The following CSMD1 variants were observed in gnomAD, a reference collection of about 807,000 sequenced individuals.
CSMD1 encodes the protein CUB and Sushi multiple domains 1, also known as CUB and sushi domain-containing protein 1.
CSMD1 carries 213 observed loss-of-function variants against 417.5 expected under a neutral mutation model. The ratio of observed to expected loss-of-function variants is 0.51; its 90% CI spans 0.46 to 0.57. The LOEUF (loss-of-function observed/expected upper bound fraction) is 0.57, where lower values mean the gene tolerates loss of function less well. CSMD1 is among the 20% of genes least tolerant of loss of function. CSMD1 has a pLI of 0.00. For synonymous variants in CSMD1, 2,862 were observed against 1,736.8 expected, an observed-to-expected ratio of 1.65 and a Z score of -16.11; for missense variants, 6,923 against 4,529.7, an observed-to-expected ratio of 1.53 and a Z score of -15.17.
At chr8:3,937,496 G>A (rs772162639) in intron 5 of CSMD1, among the ~76,000 whole-genome samples, 6 of 152,116 alleles carry the variant, frequency 3.9e-5, no homozygotes, top group Non-Finnish European at 8.8e-5. Context: ...AAAAGATGAT[G>A]AGTCATTGAA....
At chr8:3,645,067 CCTT>C (rs1356731677) in intron 7 of CSMD1, among the ~76,000 whole-genome samples, 1 of 151,716 alleles carries the variant, frequency 6.6e-6, no homozygotes, top group East Asian at 1.9e-4. Context: ...GATCCAGCAG[CCTT>C]CTTACCATCT....
intron 4 of CSMD1, among the ~76,000 whole-genome samples, chr8:4,009,850 G>A (rs1004972662): frequency 6.6e-6 from 1 of 151,924 alleles, no homozygotes; most frequent in Non-Finnish European, 1.5e-5. Flanking sequence ...CTTCATGCCT[G>A]AGGCCATTAA....
rs116418830 is a variant in CSMD1, at chr8:4,750,965, C to A, written c.86-113407G>T. Among the ~76,000 whole-genome samples the A allele has an allele frequency of 5.2e-3, 797 of 152,284 alleles. 7 individuals carry two copies. The highest frequency in any genetic ancestry group is 0.018 in the African/African-American group (766 of 41,558). ...GTGCTTACAGCCATGTCTGTATTGACACTTTAAGGGAAGGCTTTAACCTGG... is the reference window on the plus strand; with the variant it reads ...GTGCTTACAGCCATGTCTGTATTGAAACTTTAAGGGAAGGCTTTAACCTGG... On this transcript the variant is annotated intron_variant, in intron 1 of 69. Transcript: ENST00000635120.
chr8:3,271,007 C>T (rs569889910), intron 26 of CSMD1, among the ~76,000 whole-genome samples: 194 of 151,742 alleles, frequency 1.3e-3, no homozygotes, highest in Admixed American at 2.0e-3. Context: ...ATACATGTGC[C>T]ATGCTGGTGC....
intron 63 of CSMD1, among the ~76,000 whole-genome samples, chr8:2,957,251 C>T (rs773824008): frequency 6.6e-6 from 1 of 152,108 alleles, no homozygotes; most frequent in Non-Finnish European, 1.5e-5. Flanking sequence ...TGACATATGA[C>T]GTTATTCAGT....
intron 6 of CSMD1, among the ~76,000 whole-genome samples, chr8:3,711,433 G>A (rs1226848321): frequency 6.6e-6 from 1 of 152,100 alleles, no homozygotes; most frequent in South Asian, 2.1e-4. Flanking sequence ...CCTATCCCAG[G>A]CTCACAACGT....
intron 1 of CSMD1, among the ~76,000 whole-genome samples, chr8:4,819,783 T>G (rs986912873): frequency 1.3e-5 from 2 of 151,756 alleles, no homozygotes; most frequent in Admixed American, 6.6e-5. Flanking sequence ...GAAACAGGAG[T>G]CAATGCTAAG....
At chr8:4,319,347 C>G (rs575506436) in intron 3 of CSMD1, among the ~76,000 whole-genome samples, 1 of 152,092 alleles carries the variant, frequency 6.6e-6, no homozygotes, top group Non-Finnish European at 1.5e-5. Flanking sequence ...TGATTTTCCT[C>G]CTTTCCTTTT....
rs1045151860 is a variant in CSMD1 at position 3,082,948 on chromosome 8, A to G, written c.7474+4149T>C. Among the ~76,000 whole-genome samples, 3 of 152,148 alleles carry G rather than the reference A, an allele frequency of 2.0e-5. No homozygotes were observed. In the East Asian group the frequency reaches 5.8e-4, roughly 29 times the overall value. ...CATCTGCGGGAAAAATAAAATCATG[A>G]AAACTTCTGTGCTGATTTGGGTGGC... On this transcript the variant is annotated intron_variant, in intron 49 of 69. Coordinates refer to ENST00000635120, the MANE Select transcript of CSMD1 (RefSeq NM_033225.6).
At chr8:3,033,522 T>A (rs1205242195) in intron 50 of CSMD1, among the ~76,000 whole-genome samples, 1 of 151,918 alleles carries the variant, frequency 6.6e-6, no homozygotes, top group Non-Finnish European at 1.5e-5. Flanking sequence ...CACCGCGTGT[T>A]CTCATTTATA....
At chr8:4,469,008 G>C (rs1314433642) in intron 2 of CSMD1, among the ~76,000 whole-genome samples, 1 of 151,972 alleles carries the variant, frequency 6.6e-6, no homozygotes, top group Admixed American at 6.6e-5. Flanking sequence ...ACTCTAAAAG[G>C]AAAAAAAGTT....
intron 16 of CSMD1, among the ~76,000 whole-genome samples, chr8:3,397,371 G>A (rs999837852): frequency 6.6e-6 from 1 of 152,174 alleles, no homozygotes; most frequent in Non-Finnish European, 1.5e-5. Flanking sequence ...AACAGAAAAC[G>A]ATGTTGAAAC....
At chr8:4,637,889 C>A in intron 1 of CSMD1, among the ~76,000 whole-genome samples, 1 of 151,796 alleles carries the variant, frequency 6.6e-6, no homozygotes, top group East Asian at 2.0e-4. Context: ...CCAGGATGGT[C>A]TCGATCTCCT....
chr8:4,047,009 G>C (rs1395412479), intron 3 of CSMD1, among the ~76,000 whole-genome samples: 3 of 152,138 alleles, frequency 2.0e-5, no homozygotes, highest in Admixed American at 1.3e-4. Flanking sequence ...GCATGACTTA[G>C]CCCTATAGGG....
intron 27 of CSMD1, among the ~76,000 whole-genome samples, chr8:3,226,467 T>C (rs28378567): frequency 0.22 from 32,615 of 150,822 alleles, 3,641 homozygotes; most frequent in Admixed American, 0.26. Flanking sequence ...CCTATAATCC[T>C]AGCTACTCAG....
intron 5 of CSMD1, among the ~76,000 whole-genome samples, chr8:3,865,233 C>T (rs1359233008): frequency 6.6e-6 from 1 of 152,206 alleles, no homozygotes; most frequent in Admixed American, 6.5e-5. Context: ...CATCTCTGTC[C>T]TCAACTACCA....
At chr8:2,957,949 G>A in intron 62 of CSMD1, 142 bp from the exon 63 acceptor site, 2 of 624,214 alleles carry the variant, frequency 3.2e-6, no homozygotes, top group Non-Finnish European at 5.8e-6. Flanking sequence ...AAGTCAACAT[G>A]TACATTTTAA....
intron 3 of CSMD1, among the ~76,000 whole-genome samples, chr8:4,194,757 T>A (rs73658467): frequency 6.6e-6 from 1 of 152,264 alleles, no homozygotes; most frequent in African/African-American, 2.4e-5. Flanking sequence ...TAAACATTTT[T>A]TTTAACACAT....
intron 5 of CSMD1, among the ~76,000 whole-genome samples, chr8:3,839,677 C>G (rs1802988714): frequency 6.8e-6 from 1 of 147,034 alleles, no homozygotes; most frequent in Non-Finnish European, 1.5e-5. Context: ...AAGAATCTAT[C>G]TCCTTCATTT....
Sources: allele counts gnomAD v4.1 joint callset (sites outside exome capture counted in the v4.1 genomes callset), GRCh38; gene constraint gnomAD v4.1.1; transcripts MANE v1.5; gene names NCBI Gene and HGNC (gene_info 2026-07-23, HGNC 2026-07-21).